Variants in MPP7 observed in about 807,000 individuals in gnomAD.
MPP7 encodes the protein MAGUK p55 scaffold protein 7.
MPP7 carries 60 observed loss-of-function variants against 76.5 expected under a neutral mutation model. The ratio of observed to expected loss-of-function variants is 0.78; its 90% CI spans 0.64 to 0.97. MPP7 has a LOEUF of 0.97. Among genes scored for constraint, MPP7 ranks in the 50% least tolerant of loss-of-function variants. The pLI, the probability that MPP7 is intolerant of heterozygous loss-of-function variation, is 0.00. For missense variants in MPP7, 641 were observed against 694.0 expected, an observed-to-expected ratio of 0.92 and a Z score of 0.86; for synonymous variants, 237 against 244.5, an observed-to-expected ratio of 0.97 and a Z score of 0.29.
At position 28,180,236 on chromosome 10, in the gene MPP7, G is replaced by A. The variant is rs539557246; in HGVS notation, c.156+21917C>T. Among the ~76,000 whole-genome samples, 10 of 152,272 alleles carry A rather than the reference G, an allele frequency of 6.6e-5. No homozygotes were observed. In the South Asian group the frequency reaches 1.9e-3, roughly 28 times the overall value. On this transcript the variant is annotated intron_variant, in intron 3 of 16. Transcript: ENST00000683449. The stretch of plus-strand genomic sequence containing the variant: ...ACATTTGTCTTCTAGTTTTATTAGT[G>A]ATGAAAGGAAACACAAATCAAAAGT...
At chr10:28,232,165 C>T (rs1838906454) in intron 2 of MPP7, among the ~76,000 whole-genome samples, 1 of 152,060 alleles carries the variant, frequency 6.6e-6, no homozygotes, top group Admixed American at 6.6e-5. Flanking sequence ...TGAGACCAGC[C>T]TGGGCAACAC....
At chr10:28,098,122 T>C (rs886886144) in intron 11 of MPP7, among the ~76,000 whole-genome samples, 2 of 152,114 alleles carry the variant, frequency 1.3e-5, no homozygotes, top group East Asian at 3.8e-4. Flanking sequence ...ATAAATATTA[T>C]AACTACCTAT....
chr10:28,164,768 A>G (rs1177606332), intron 3 of MPP7, among the ~76,000 whole-genome samples: 1 of 152,152 alleles, frequency 6.6e-6, no homozygotes, highest in Non-Finnish European at 1.5e-5. Context: ...GGAACCCAAA[A>G]GATTGGACAT....
In MPP7 at chr10:28,051,674, C is replaced by T. The variant is rs1851364755; in HGVS notation, c.*2391G>A. On this transcript the variant is annotated 3_prime_UTR_variant, in exon 17 of 17. Transcript: ENST00000683449. Reference sequence around the variant, plus strand: ...CCTTTTTGCTGCCGTTGTCAATGAACTCTCGGAGTTGGCCCTGCCTTATTA... The same window carrying T: ...CCTTTTTGCTGCCGTTGTCAATGAATTCTCGGAGTTGGCCCTGCCTTATTA... The T allele has an allele frequency of 6.6e-6, 1 of 152,076 alleles. No individual in the cohort carries two copies. The highest frequency in any genetic ancestry group is 2.4e-5 in the African/African-American group (1 of 41,410). 9.4% of individuals were successfully genotyped at this position (152,076 alleles called of 1,614,324 possible).
intron 3 of MPP7, among the ~76,000 whole-genome samples, chr10:28,182,851 G>A (rs1397450843): frequency 6.6e-6 from 1 of 152,256 alleles, no homozygotes; most frequent in Non-Finnish European, 1.5e-5. Context: ...GCCAAGGCGG[G>A]TGGATCACCT....
At chr10:28,232,614 T>C (rs1418856630) in intron 2 of MPP7, among the ~76,000 whole-genome samples, 1 of 152,238 alleles carries the variant, frequency 6.6e-6, no homozygotes, top group African/African-American at 2.4e-5. Context: ...ATGTTTTCAT[T>C]CTAAATAAAT....
intron 1 of MPP7, among the ~76,000 whole-genome samples, chr10:28,278,617 T>A (rs1161871188): frequency 1.3e-5 from 2 of 152,044 alleles, no homozygotes; most frequent in African/African-American, 4.8e-5. Flanking sequence ...AAACACACAG[T>A]GTATCATTTA....
rs962476518 is a variant in MPP7, at chr10:28,205,559, T to C, written c.38-3288A>G. On this transcript the variant is annotated intron_variant, in intron 2 of 16. Transcript: ENST00000683449. ...ACTCATTGATTCCAGTAAACAGTTA[T>C]GGTAGCTATGAATGAAACACTCCTC... Among the ~76,000 whole-genome samples the C allele has an allele frequency of 2.6e-5, 4 of 152,246 alleles. 1 individual carries two copies. The East Asian group carries it at 7.7e-4, about 29-fold the overall frequency.
chr10:28,141,598 G>A (rs7071072), intron 5 of MPP7, among the ~76,000 whole-genome samples: 2,284 of 152,184 alleles, frequency 0.015, 55 homozygotes, highest in African/African-American at 0.052. Flanking sequence ...ATACATATGT[G>A]TAGATGTGTG....
chr10:28,092,511 TATTA>T (rs1853355473), intron 11 of MPP7, among the ~76,000 whole-genome samples: 1 of 152,088 alleles, frequency 6.6e-6, no homozygotes, highest in Admixed American at 6.6e-5. Context: ...AAAAGTTATT[TATTA>T]CTTTTTGTTC....
intron 2 of MPP7, among the ~76,000 whole-genome samples, chr10:28,326,679 G>A (rs1148179): frequency 0.25 from 37,393 of 152,026 alleles, 6,056 homozygotes; most frequent in African/African-American, 0.46. Context: ...TTTTCAAATT[G>A]CCTGTCCACA....
intron 2 of MPP7, among the ~76,000 whole-genome samples, chr10:28,227,791 G>A (rs1208226425): frequency 6.6e-6 from 1 of 152,186 alleles, no homozygotes; most frequent in South Asian, 2.1e-4. Flanking sequence ...ATGCATGCAT[G>A]TATCTTTATA....
chr10:28,270,598 G>A, intron 1 of MPP7, among the ~76,000 whole-genome samples: 1 of 151,598 alleles, frequency 6.6e-6, no homozygotes, highest in African/African-American at 2.4e-5. Flanking sequence ...GTGGGGAAAG[G>A]CACGTGTGCC....
intron 13 of MPP7, 21 bp downstream of exon 13, chr10:28,069,751 A>C: frequency 6.3e-7 from 1 of 1,585,964 alleles, no homozygotes; most frequent in South Asian, 1.1e-5. Context: ...TCATAGGAAC[A>C]CTGAGTAGCG....
chr10:28,235,504 G>A (rs529355925), intron 2 of MPP7, among the ~76,000 whole-genome samples: 1 of 152,010 alleles, frequency 6.6e-6, no homozygotes, highest in African/African-American at 2.4e-5. Flanking sequence ...ATGATAGAGG[G>A]GATATTAAAA....
intron 1 of MPP7, among the ~76,000 whole-genome samples, chr10:28,281,075 CT>C (rs1342145579): frequency 1.4e-5 from 2 of 146,024 alleles, no homozygotes; most frequent in Non-Finnish European, 3.1e-5. Flanking sequence ...GTCATTTCTT[CT>C]TTTTTTTTCT....
chr10:28,281,122 G>A (rs921314037), intron 1 of MPP7, among the ~76,000 whole-genome samples: 3 of 151,452 alleles, frequency 2.0e-5, no homozygotes, highest in East Asian at 1.9e-4. Flanking sequence ...CTCTGTCACC[G>A]GGGCTGGAAT....
Position 28,097,203 on chromosome 10 carries a change from C to A in MPP7, c.953-7362G>T, listed in dbSNP as rs935251613. Among the ~76,000 whole-genome samples, 5 of 152,142 alleles carry A rather than the reference C, an allele frequency of 3.3e-5. No homozygotes were observed. In the East Asian group the frequency reaches 9.6e-4, roughly 29 times the overall value. On this transcript the variant is annotated intron_variant, in intron 11 of 16. Coordinates refer to ENST00000683449, the MANE Select transcript of MPP7 (RefSeq NM_001318170.2). Reference sequence around the variant, plus strand: ...AGAGATGGAGACTCACCAGGTTGCACAGGCTAACCTCAAACTCCTGGCCCC... The same window carrying A: ...AGAGATGGAGACTCACCAGGTTGCAAAGGCTAACCTCAAACTCCTGGCCCC...
At chr10:28,296,983 C>T (rs1841050652) in intron 1 of MPP7, among the ~76,000 whole-genome samples, 1 of 151,632 alleles carries the variant, frequency 6.6e-6, no homozygotes, top group South Asian at 2.1e-4. Flanking sequence ...AATTCAACTA[C>T]TCATAAATAA....
Sources: gnomAD v4.1 joint callset for allele counts (sites outside exome capture counted in the v4.1 genomes callset) on GRCh38, gnomAD v4.1.1 for gene constraint, MANE v1.5 for transcripts, NCBI Gene and HGNC (gene_info 2026-07-23, HGNC 2026-07-21) for gene names.